Variants in PLAAT3 observed in about 807,000 individuals in gnomAD.
PLAAT3 encodes phospholipase A and acyltransferase 3.
A neutral mutation model predicts 16.7 loss-of-function variants in PLAAT3; 21 were observed. The observed-to-expected ratio is 1.26, with a 90% confidence interval of 0.89 to 1.81. PLAAT3 has a LOEUF of 1.81. PLAAT3 is among the 40% of genes most tolerant of loss of function. The pLI, the probability that PLAAT3 is intolerant of heterozygous loss-of-function variation, is 0.00. For missense variants in PLAAT3, 219 were observed against 213.7 expected, an observed-to-expected ratio of 1.02 and a Z score of -0.16; for synonymous variants, 76 against 81.7, an observed-to-expected ratio of 0.93 and a Z score of 0.38.
chr11:63,609,598 A>G (rs1265356039), intron 2 of PLAAT3, among the ~76,000 whole-genome samples: 1 of 152,214 alleles, frequency 6.6e-6, no homozygotes, highest in Non-Finnish European at 1.5e-5. Context: ...CTGGGTGAGG[A>G]CAGGGAGGAG....
chr11:63,593,633 A>G (rs1005427069), intron 3 of PLAAT3, among the ~76,000 whole-genome samples: 3 of 151,872 alleles, frequency 2.0e-5, no homozygotes, highest in Admixed American at 6.6e-5. Context: ...CAGTGGTGCA[A>G]TCTTGGTTCA....
rs756541211 is a variant in PLAAT3, at chr11:63,590,355, T to C, written c.132A>G (p.Gly44=). ...CGGACATGACACTGGCTGCACCAGC[T>C]CCTGCGACCTCACCTGCAGATCCAC... ...VHLAPPSEVA[G]AGAASVMSAL... The change falls in exon 4 of 5, where the codon GGA becomes GGG. Residue 44 remains glycine, a synonymous_variant. Coordinates refer to ENST00000415826, the MANE Select transcript of PLAAT3 (RefSeq NM_001128203.2). 6.2e-7 allele frequency: 1 copy of C among 1,614,012 alleles called. No homozygotes were observed. Among genetic ancestry groups the C allele is most frequent in the South Asian group, 1.1e-5 (1 of 91,086 alleles).
chr11:63,589,979 A>T, intron 4 of PLAAT3, 121 bp downstream of exon 4: 1 of 927,454 alleles, frequency 1.1e-6, no homozygotes, highest in Non-Finnish European at 1.6e-6. Flanking sequence ...TGACATCCTC[A>T]AGGGCAGTAA....
chr11:63,600,073 C>G lies in PLAAT3; in HGVS notation c.16-1910G>C, dbSNP rs185958652. Among the ~76,000 whole-genome samples, 595 of 152,144 alleles carry G rather than the reference C, an allele frequency of 3.9e-3. 2 individuals are homozygous for G. Among genetic ancestry groups the G allele is most frequent in the Non-Finnish European group, 5.6e-3 (379 of 68,016 alleles). ...GTGGCTCACTGCAGCCTCAACCTCC[C>G]CAGGCTCAGGTCATCTTCCCACCTC... On this transcript the variant is annotated intron_variant, in intron 2 of 4. Transcript: ENST00000415826.
intron 3 of PLAAT3, among the ~76,000 whole-genome samples, chr11:63,591,442 G>A (rs972728538): frequency 6.6e-6 from 1 of 152,034 alleles, no homozygotes; most frequent in Non-Finnish European, 1.5e-5. Flanking sequence ...CGCACCCAGG[G>A]AGCATGTCAA....
At chr11:63,590,448 A>G (rs556280136) in intron 3 of PLAAT3, 80 bp from the exon 4 acceptor site, 1 of 1,233,174 alleles carries the variant, frequency 8.1e-7, no homozygotes, top group East Asian at 2.3e-5. Flanking sequence ...CCAGCCGGGC[A>G]TCTGCCCTTG....
At chr11:63,592,593 G>A (rs1413462383) in intron 3 of PLAAT3, among the ~76,000 whole-genome samples, 1 of 152,184 alleles carries the variant, frequency 6.6e-6, no homozygotes, top group Non-Finnish European at 1.5e-5. Flanking sequence ...AGCTTGGACT[G>A]GGCAGTGCAG....
chr11:63,577,134 G>A (rs1432214330), intron 4 of PLAAT3, among the ~76,000 whole-genome samples: 2 of 149,456 alleles, frequency 1.3e-5, no homozygotes, highest in Non-Finnish European at 3.0e-5. Flanking sequence ...GGTTTTCTTT[G>A]AATTCAACTG....
intron 4 of PLAAT3, among the ~76,000 whole-genome samples, chr11:63,580,257 GTCCA>G (rs1483695768): frequency 6.6e-6 from 1 of 152,192 alleles, no homozygotes; most frequent in African/African-American, 2.4e-5. Flanking sequence ...CCCAAAAGGT[GTCCA>G]TGTCCTAATT....
chr11:63,615,926 C>T (rs915593310), upstream of PLAAT3, among the ~76,000 whole-genome samples: 5 of 152,146 alleles, frequency 3.3e-5, no homozygotes, highest in Non-Finnish European at 5.9e-5. Flanking sequence ...CCTCAGCCTC[C>T]GAAAGGGCTG....
chr11:63,597,692 G>T (rs1455226147), intron 3 of PLAAT3, among the ~76,000 whole-genome samples: 1 of 152,194 alleles, frequency 6.6e-6, no homozygotes, highest in Non-Finnish European at 1.5e-5. Context: ...TGCCGCTGCT[G>T]ATCTGACAGG....
At position 63,590,260 on chromosome 11, in the gene PLAAT3, A is replaced by G; in HGVS notation, c.227T>C (p.Val76Ala). 2 of 1,614,108 alleles carry G rather than the reference A, an allele frequency of 1.2e-6. No individual in the cohort carries two copies. Among genetic ancestry groups the G allele is most frequent in the Non-Finnish European group, 1.7e-6 (2 of 1,180,022 alleles). ...GTACTTGTCATCATGTTTGTTGTTGACCTGGTACTTGTCACTCCCGGCCAC... is the reference window on the plus strand; with the variant it reads ...GTACTTGTCATCATGTTTGTTGTTGGCCTGGTACTTGTCACTCCCGGCCAC... The part of the protein sequence containing the change: ...YDVAGSDKYQ[V>A]NNKHDDKYSP... Residue 76 changes from valine to alanine, a missense_variant, in exon 4 of 5, where the codon GTC (valine) becomes GCC (alanine). Physicochemically the swap from Val to Ala is moderately conservative, Grantham distance 64. Transcript: ENST00000415826.
chr11:63,580,063 T>A (rs1187112298), intron 4 of PLAAT3, among the ~76,000 whole-genome samples: 2 of 151,914 alleles, frequency 1.3e-5, no homozygotes, highest in Non-Finnish European at 2.9e-5. Context: ...AGAAAGCTGC[T>A]GAAAATGGTT....
chr11:63,589,702 A>G (rs892243734), intron 4 of PLAAT3, among the ~76,000 whole-genome samples: 11 of 152,190 alleles, frequency 7.2e-5, no homozygotes, highest in African/African-American at 1.4e-4. Context: ...TGGAGACTCA[A>G]CAAAGATTTT....
intron 2 of PLAAT3, among the ~76,000 whole-genome samples, chr11:63,600,676 C>T (rs1374192706): frequency 1.3e-5 from 2 of 151,914 alleles, no homozygotes; most frequent in African/African-American, 4.8e-5. Context: ...GATCTCGGCT[C>T]ACTGCAACCT....
rs538237348 is a variant in PLAAT3, at chr11:63,585,779, C to T, written c.387+4321G>A. Among the ~76,000 whole-genome samples, 61 of 152,166 alleles carry T rather than the reference C, an allele frequency of 4.0e-4. 1 individual carries two copies. Among genetic ancestry groups the T allele is most frequent in the African/African-American group, 1.4e-3 (59 of 41,498 alleles). On this transcript the variant is annotated intron_variant, in intron 4 of 4. Coordinates refer to ENST00000415826, the MANE Select transcript of PLAAT3 (RefSeq NM_001128203.2). ...ATGGGTAGATGGGTAGGGCCAAAGT[C>T]CCAGGAAGAAAAGTGTGATGTGTTC...
In PLAAT3 at chr11:63,582,587, G is replaced by A. The variant is rs1271737088; in HGVS notation, c.387+7513C>T. 7.2e-5 allele frequency among the ~76,000 whole-genome samples: 11 copies of A among 152,110 alleles called. No individual in the cohort carries two copies. In the South Asian group the frequency reaches 2.3e-3, roughly 32 times the overall value. ...CTCCCTCCACTTCCCTCCCAAAACA[G>A]AAAGGAAACTATCACAATTCACCAC... On this transcript the variant is annotated intron_variant, in intron 4 of 4. Coordinates refer to ENST00000415826, the MANE Select transcript of PLAAT3 (RefSeq NM_001128203.2).
chr11:63,585,029 CTTT>C (rs1240361862), intron 4 of PLAAT3, among the ~76,000 whole-genome samples: 3 of 139,632 alleles, frequency 2.1e-5, no homozygotes, highest in Non-Finnish European at 1.6e-5. Context: ...CATCGAAGTT[CTTT>C]TTTTTTTTTT....
upstream of PLAAT3, among the ~76,000 whole-genome samples, chr11:63,615,396 A>G (rs796121350): frequency 7.9e-5 from 6 of 75,768 alleles, no homozygotes; most frequent in African/African-American, 2.7e-4. Context: ...ATGTGTATAT[A>G]TGTGTGTATA....
Sources: gnomAD v4.1 joint callset for allele counts (sites outside exome capture counted in the v4.1 genomes callset) on GRCh38, gnomAD v4.1.1 for gene constraint, MANE v1.5 for transcripts, NCBI Gene and HGNC (gene_info 2026-07-23, HGNC 2026-07-21) for gene names.